SPOCK3: variants seen among roughly 807,000 people sequenced by gnomAD.
SPOCK3 encodes the protein SPARC (osteonectin), cwcv and kazal like domains proteoglycan 3, also known as testican-3.
SPOCK3 carries 30 observed loss-of-function variants against 56.6 expected under a neutral mutation model. The ratio of observed to expected loss-of-function variants is 0.53; its 90% CI spans 0.40 to 0.72. SPOCK3 has a LOEUF of 0.72. Among genes scored for constraint, SPOCK3 ranks in the 30% least tolerant of loss-of-function variants. SPOCK3 has a pLI of 0.00. For synonymous variants in SPOCK3, 196 were observed against 183.3 expected (o/e 1.07, Z -0.56); for missense variants, 527 against 530.0 (o/e 0.99, Z 0.06).
chr4:167,029,488 A>C (rs2150177971), intron 3 of SPOCK3, among the ~76,000 whole-genome samples: 1 of 152,140 alleles, frequency 6.6e-6, no homozygotes, highest in Non-Finnish European at 1.5e-5. Context: ...GGTGAAAATT[A>C]TCTTTCTGTG....
At chr4:167,068,080 T>A (rs1398825525) in intron 2 of SPOCK3, among the ~76,000 whole-genome samples, 1 of 116,632 alleles carries the variant, frequency 8.6e-6, no homozygotes, top group African/African-American at 2.7e-5. Context: ...AATAAAAATT[T>A]AATAAAATGC....
At chr4:166,799,851 AG>A (rs1742350624) in intron 6 of SPOCK3, among the ~76,000 whole-genome samples, 1 of 152,112 alleles carries the variant, frequency 6.6e-6, no homozygotes, top group Non-Finnish European at 1.5e-5. Flanking sequence ...TGAAAGATTT[AG>A]CAGAAAGCTT....
At chr4:166,950,676 T>C (rs888977056) in intron 4 of SPOCK3, among the ~76,000 whole-genome samples, 17 of 149,230 alleles carry the variant, frequency 1.1e-4, no homozygotes, top group African/African-American at 3.8e-4. Flanking sequence ...ATTGACCACA[T>C]ACTTGGAAGT....
At chr4:167,131,892 G>T (rs545887875) in intron 2 of SPOCK3, among the ~76,000 whole-genome samples, 1 of 152,100 alleles carries the variant, frequency 6.6e-6, no homozygotes, top group Non-Finnish European at 1.5e-5. Flanking sequence ...AGAAAAATCT[G>T]TTCCATATTT....
At chr4:166,926,186 C>A (rs564416091) in intron 4 of SPOCK3, among the ~76,000 whole-genome samples, 1 of 152,006 alleles carries the variant, frequency 6.6e-6, no homozygotes, top group South Asian at 2.1e-4. Flanking sequence ...GCCCTTTGAC[C>A]GGAGTGAAAC....
At chr4:166,895,148 T>C (rs879804289) in intron 5 of SPOCK3, among the ~76,000 whole-genome samples, 3 of 152,064 alleles carry the variant, frequency 2.0e-5, no homozygotes, top group Non-Finnish European at 4.4e-5. Flanking sequence ...TCAAGTAAAA[T>C]AAAACCTATA....
chr4:166,923,384 G>T, intron 4 of SPOCK3, among the ~76,000 whole-genome samples: 1 of 152,112 alleles, frequency 6.6e-6, no homozygotes. Context: ...GCAGATTATG[G>T]GAACTAAAAT....
At chr4:166,978,633 T>C (rs930059151) in intron 4 of SPOCK3, among the ~76,000 whole-genome samples, 1 of 152,044 alleles carries the variant, frequency 6.6e-6, no homozygotes, top group African/African-American at 2.4e-5. Flanking sequence ...ATTAACAGTT[T>C]AAAAACAGTA....
intron 6 of SPOCK3, among the ~76,000 whole-genome samples, chr4:166,803,293 A>T (rs764448723): frequency 6.6e-6 from 1 of 152,208 alleles, no homozygotes; most frequent in Non-Finnish European, 1.5e-5. Context: ...ACTTTGATTC[A>T]TAAATAATTT....
intron 2 of SPOCK3, among the ~76,000 whole-genome samples, chr4:167,106,756 C>A (rs1580310324): frequency 1.4e-5 from 2 of 144,976 alleles, no homozygotes; most frequent in African/African-American, 2.5e-5. Context: ...TTAGGCAGAC[C>A]AATGAATTAA....
intron 4 of SPOCK3, among the ~76,000 whole-genome samples, chr4:166,928,408 T>C (rs1739358303): frequency 6.6e-6 from 1 of 152,170 alleles, no homozygotes. Flanking sequence ...TAAACTTTAA[T>C]GCAGTAACTG....
chr4:167,024,877 AAG>A (rs1751555874), intron 3 of SPOCK3, among the ~76,000 whole-genome samples: 1 of 152,066 alleles, frequency 6.6e-6, no homozygotes, highest in Non-Finnish European at 1.5e-5. Flanking sequence ...AAATTTTTAA[AAG>A]AGTCCTTTAA....
chr4:166,765,400 C>T (rs1430281323), intron 7 of SPOCK3, among the ~76,000 whole-genome samples: 4 of 152,186 alleles, frequency 2.6e-5, no homozygotes, highest in African/African-American at 7.2e-5. Flanking sequence ...CAGCTTTGTA[C>T]ATATGGCTAG....
intron 5 of SPOCK3, 79 bp downstream of exon 5, chr4:166,912,541 T>G: frequency 7.6e-7 from 1 of 1,323,460 alleles, no homozygotes; most frequent in Non-Finnish European, 1.1e-6. Flanking sequence ...ATTATCACAT[T>G]GGATAAGCAA....
chr4:166,872,774 G>T (rs1395319358), intron 6 of SPOCK3, among the ~76,000 whole-genome samples: 1 of 152,044 alleles, frequency 6.6e-6, no homozygotes, highest in Non-Finnish European at 1.5e-5. Context: ...ACCTGAGATT[G>T]GACAGTTTAT....
chr4:166,806,605 C>T (rs1743190971), intron 6 of SPOCK3, among the ~76,000 whole-genome samples: 2 of 151,962 alleles, frequency 1.3e-5, no homozygotes, highest in Admixed American at 6.6e-5. Context: ...ATTTGTCCTA[C>T]ATATATATCA....
intron 6 of SPOCK3, among the ~76,000 whole-genome samples, chr4:166,820,478 T>A (rs1003997277): frequency 6.6e-6 from 1 of 152,016 alleles, no homozygotes; most frequent in Non-Finnish European, 1.5e-5. Flanking sequence ...CTGTTAAGAT[T>A]TATGGTCAAT....
chr4:167,184,889 G>A (rs1372480700), intron 2 of SPOCK3, among the ~76,000 whole-genome samples: 1 of 152,160 alleles, frequency 6.6e-6, no homozygotes, highest in Non-Finnish European at 1.5e-5. Context: ...GGTAAGTCTA[G>A]TAGTAGTGAA....
intron 7 of SPOCK3, among the ~76,000 whole-genome samples, chr4:166,771,681 G>C (rs1243982073): frequency 6.6e-6 from 1 of 151,958 alleles, no homozygotes; most frequent in Non-Finnish European, 1.5e-5. Flanking sequence ...CATATGTTTA[G>C]AAACATTCTT....
Sources: gnomAD v4.1 joint callset for allele counts (sites outside exome capture counted in the v4.1 genomes callset) on GRCh38, gnomAD v4.1.1 for gene constraint, MANE v1.5 for transcripts, NCBI Gene and HGNC (gene_info 2026-07-23, HGNC 2026-07-21) for gene names.